The following CTNNA2 variants were observed in gnomAD, a reference collection of about 807,000 sequenced individuals.
CTNNA2 encodes the protein catenin alpha-2.
Under a neutral mutation model 101.0 loss-of-function variants are expected in CTNNA2, and 42 were observed. That is an observed-to-expected ratio of 0.42 (90% CI 0.32 to 0.54). The LOEUF is 0.54. Among genes scored for constraint, CTNNA2 ranks in the 20% least tolerant of loss-of-function variants. The pLI, the probability that CTNNA2 is intolerant of heterozygous loss-of-function variation, is 0.14. For missense variants in CTNNA2, 871 were observed against 1,223.1 expected (o/e 0.71, Z 4.29); for synonymous variants, 450 against 456.4 (o/e 0.99, Z 0.18).
intron 8 of CTNNA2, among the ~76,000 whole-genome samples, chr2:80,396,193 C>G (rs1677995475): frequency 6.6e-6 from 1 of 152,138 alleles, no homozygotes; most frequent in South Asian, 2.1e-4. Flanking sequence ...CAACATATCC[C>G]AAGGAACTGG....
At chr2:80,629,011 T>G (rs996343279) in intron 18 of CTNNA2, among the ~76,000 whole-genome samples, 3 of 152,166 alleles carry the variant, frequency 2.0e-5, no homozygotes, top group African/African-American at 7.2e-5. Flanking sequence ...GTGAAAATGA[T>G]ATTAGTATCT....
chr2:79,452,189 G>T (rs1324475187), intron 4 of CTNNA2, among the ~76,000 whole-genome samples: 1 of 152,084 alleles, frequency 6.6e-6, no homozygotes, highest in African/African-American at 2.4e-5. Flanking sequence ...AGAAGTGAAT[G>T]CGTAGCTGAG....
At chr2:80,008,931 C>G (rs2104006194) in intron 7 of CTNNA2, among the ~76,000 whole-genome samples, 2 of 152,286 alleles carry the variant, frequency 1.3e-5, no homozygotes, top group East Asian at 3.9e-4. Flanking sequence ...CATGGAGGAG[C>G]TGGCTTACAG....
intron 7 of CTNNA2, among the ~76,000 whole-genome samples, chr2:79,982,397 TATATAAC>T (rs1558698242): frequency 7.0e-6 from 1 of 142,214 alleles, no homozygotes; most frequent in African/African-American, 2.8e-5. Flanking sequence ...ATATATAACA[TATATAAC>T]ATATAACACA....
chr2:79,823,042 C>T (rs890294381), intron 3 of CTNNA2, among the ~76,000 whole-genome samples: 1 of 152,114 alleles, frequency 6.6e-6, no homozygotes. Context: ...AGTAAAATGT[C>T]CTTTCCACAG....
intron 1 of CTNNA2, among the ~76,000 whole-genome samples, chr2:79,565,762 A>G (rs1675073024): frequency 6.6e-6 from 1 of 152,062 alleles, no homozygotes; most frequent in African/African-American, 2.4e-5. Flanking sequence ...GTTTCATGTG[A>G]GGTTCTTGAA....
At chr2:80,407,705 A>G (rs192641434) in intron 8 of CTNNA2, among the ~76,000 whole-genome samples, 54 of 152,350 alleles carry the variant, frequency 3.5e-4, no homozygotes, top group African/African-American at 1.2e-3. Flanking sequence ...GTTTCTCTTA[A>G]ATAGCGACAG....
At position 80,015,486 on chromosome 2, in the gene CTNNA2, C is replaced by T. The variant is rs554393349; in HGVS notation, c.1056+105689C>T. Among the ~76,000 whole-genome samples, 7 of 152,178 alleles carry T rather than the reference C, an allele frequency of 4.6e-5. No homozygotes were observed. The South Asian group carries it at 1.0e-3, about 23-fold the overall frequency. ...TCTCTGATGGGGTACTTACTGTCTCCAATTACAGTTGTTTCTCCATTATCC... is the reference window on the plus strand; with the variant it reads ...TCTCTGATGGGGTACTTACTGTCTCTAATTACAGTTGTTTCTCCATTATCC... On this transcript the variant is annotated intron_variant, in intron 7 of 18. Coordinates refer to ENST00000402739, the MANE Select transcript of CTNNA2 (RefSeq NM_001282597.3).
chr2:80,423,806 C>G (rs1277608620), intron 9 of CTNNA2, among the ~76,000 whole-genome samples: 2 of 152,080 alleles, frequency 1.3e-5, no homozygotes, highest in African/African-American at 4.8e-5. Flanking sequence ...GGGCATGTGG[C>G]TGGGATCAGG....
chr2:80,301,756 G>A (rs116077606), intron 7 of CTNNA2: 1,678 of 152,414 alleles, frequency 0.011, 10 homozygotes, highest in Non-Finnish European at 0.018. Flanking sequence ...ATCTGACTAC[G>A]TTGCTCCTGG....
intron 3 of CTNNA2, among the ~76,000 whole-genome samples, chr2:79,819,862 T>G (rs1010183769): frequency 5.3e-5 from 8 of 152,116 alleles, no homozygotes; most frequent in African/African-American, 1.9e-4. Flanking sequence ...TCATTACATA[T>G]TCTATGCTTG....
intron 3 of CTNNA2, among the ~76,000 whole-genome samples, chr2:79,812,262 A>G (rs1278952170): frequency 6.6e-6 from 1 of 152,072 alleles, no homozygotes; most frequent in African/African-American, 2.4e-5. Context: ...TAGGACTTCC[A>G]TTATCATGGT....
At chr2:80,095,790 T>C (rs113302459) in intron 7 of CTNNA2, among the ~76,000 whole-genome samples, 40,599 of 151,124 alleles carry the variant, frequency 0.27, 6,270 homozygotes, top group East Asian at 0.53. Flanking sequence ...TTTATTTGCA[T>C]AGAGGTGTTT....
At position 79,277,426 on chromosome 2, in the gene CTNNA2, T is replaced by C. The variant is rs1480302782; in HGVS notation, c.-405-35283T>C. Among the ~76,000 whole-genome samples, 7 of 152,090 alleles carry C rather than the reference T, an allele frequency of 4.6e-5. No individual in the cohort carries two copies. In the South Asian group the frequency reaches 8.3e-4, roughly 18 times the overall value. On this transcript the variant is annotated intron_variant, in intron 2 of 21. Coordinates refer to the CTNNA2 transcript ENST00000466387. ...TACATCAAGGGACAGAGTCCTACTA[T>C]GATAATTATGGCAGGAGGTCAGGAT...
chr2:80,459,837 G>A (rs531700846), intron 9 of CTNNA2, among the ~76,000 whole-genome samples: 1 of 152,108 alleles, frequency 6.6e-6, no homozygotes, highest in Non-Finnish European at 1.5e-5. Flanking sequence ...CCCTGCCAGG[G>A]TACTCAGGTC....
chr2:79,330,445 T>A (rs1489230789), intron 3 of CTNNA2, among the ~76,000 whole-genome samples: 1 of 152,046 alleles, frequency 6.6e-6, no homozygotes, highest in Non-Finnish European at 1.5e-5. Flanking sequence ...CACCACCTCC[T>A]CTCTGGGTGG....
At chr2:79,496,182 C>T (rs1482916736) in intron 4 of CTNNA2, among the ~76,000 whole-genome samples, 1 of 151,928 alleles carries the variant, frequency 6.6e-6, no homozygotes, top group African/African-American at 2.4e-5. Flanking sequence ...TTCTGTTATC[C>T]AAAGTTTGAG....
chr2:79,464,378 T>C (rs544845542), intron 4 of CTNNA2, among the ~76,000 whole-genome samples: 1 of 152,364 alleles, frequency 6.6e-6, no homozygotes, highest in Non-Finnish European at 1.5e-5. Flanking sequence ...TAATCCAGTC[T>C]ATCATTGTTG....
intron 7 of CTNNA2, among the ~76,000 whole-genome samples, chr2:79,942,546 T>C (rs779313295): frequency 8.5e-5 from 13 of 152,322 alleles, no homozygotes; most frequent in Non-Finnish European, 1.9e-4. Flanking sequence ...AGTTTGGCTC[T>C]ACCAGGCCAG....
Sources: gnomAD v4.1 joint callset for allele counts (sites outside exome capture counted in the v4.1 genomes callset) on GRCh38, gnomAD v4.1.1 for gene constraint, MANE v1.5 for transcripts, NCBI Gene and HGNC (gene_info 2026-07-23, HGNC 2026-07-21) for gene names.